Variants in HK1 observed in about 807,000 individuals in gnomAD.
HK1 encodes the protein hexokinase-1.
In HK1, 28 loss-of-function variants were observed where a neutral mutation model predicts 91.6. That is an observed-to-expected ratio of 0.31 (90% CI 0.23 to 0.42). The LOEUF (loss-of-function observed/expected upper bound fraction) is 0.42, where lower values mean the gene tolerates loss of function less well. Among genes scored for constraint, HK1 ranks in the 10% least tolerant of loss-of-function variants. The pLI, the probability that HK1 is intolerant of heterozygous loss-of-function variation, is 1.00. For missense variants in HK1, 770 were observed against 1,219.8 expected, an observed-to-expected ratio of 0.63 and a Z score of 5.49; for synonymous variants, 430 against 468.1, an observed-to-expected ratio of 0.92 and a Z score of 1.05.
chr10:69,363,924 G>A (rs1011459896), intron 3 of HK1, among the ~76,000 whole-genome samples: 3 of 152,242 alleles, frequency 2.0e-5, no homozygotes, highest in African/African-American at 7.2e-5. Context: ...AAGGAATACT[G>A]TGCGGCAATG....
At position 69,275,342 on chromosome 10, in the gene HK1, G is replaced by A. The variant is rs193001611; in HGVS notation, c.-391+5234G>A. Among the ~76,000 whole-genome samples the A allele has an allele frequency of 1.4e-3, 205 of 151,048 alleles. 2 individuals carry two copies. In the East Asian group the frequency reaches 0.028, roughly 21 times the overall value. On this transcript the variant is annotated intron_variant, in intron 1 of 21. Transcript: ENST00000360289. ...TTGAGACCAGCCTGAGCAACATGGCGAGACCCCATCTCTACTAGATTAAAA... is the reference window on the plus strand; with the variant it reads ...TTGAGACCAGCCTGAGCAACATGGCAAGACCCCATCTCTACTAGATTAAAA...
intron 1 of HK1, chr10:69,278,661 G>T (rs1377101875): frequency 6.6e-6 from 1 of 152,240 alleles, no homozygotes; most frequent in Non-Finnish European, 1.5e-5. Flanking sequence ...TACTGTGGTA[G>T]TCCTGGTGCC....
At position 69,394,848 on chromosome 10, in the gene HK1, G is replaced by A. The variant is rs564524962; in HGVS notation, c.2220-102G>A. 4.9e-5 allele frequency: 57 copies of A among 1,170,258 alleles called. No homozygotes were observed. In the South Asian group the frequency reaches 5.6e-4, roughly 12 times the overall value. 72.5% of individuals were successfully genotyped at this position (1,170,258 alleles called of 1,614,324 possible). On this transcript the variant is annotated intron_variant, in intron 15 of 17. Coordinates refer to ENST00000359426, the MANE Select transcript of HK1 (RefSeq NM_000188.3). ...CTGGGCACATGGCTGTTGATGATGC[G>A]CTTGAGGGGCAGTAGGAGACGCGGA...
rs559352341 is a variant in HK1 at position 69,368,610 on chromosome 10, C to T, written c.570C>T (p.Asn190=). The T allele has an allele frequency of 5.9e-5, 95 of 1,614,042 alleles. No individual in the cohort carries two copies. In the South Asian group the frequency reaches 9.9e-4, roughly 17 times the overall value. Residue 190 remains asparagine, a synonymous_variant, in exon 5 of 18, where the codon AAC becomes AAT. Transcript: ENST00000359426. The part of the protein sequence containing the change: ...VEGADVVKLL[N]KAIKKRGDYD... ...GAGCAGATGTGGTCAAACTGCTTAACAAAGCCATCAAAAAGCGAGGGGTAA... is the reference window on the plus strand; with the variant it reads ...GAGCAGATGTGGTCAAACTGCTTAATAAAGCCATCAAAAAGCGAGGGGTAA...
At chr10:69,362,581 C>T (rs11598389) in intron 3 of HK1, among the ~76,000 whole-genome samples, 12,518 of 152,182 alleles carry the variant, frequency 0.082, 664 homozygotes, top group African/African-American at 0.15. Flanking sequence ...ATCACCAGCA[C>T]TCCAGAAACG....
At chr10:69,315,722 C>A, upstream of HK1, 1 of 594,538 alleles carries the variant, frequency 1.7e-6, no homozygotes, top group Non-Finnish European at 3.1e-6. Flanking sequence ...TAGGACCAGC[C>A]CCCTAGAAGA....
At chr10:69,377,988 A>G (rs1170935977) in intron 8 of HK1, among the ~76,000 whole-genome samples, 4 of 152,244 alleles carry the variant, frequency 2.6e-5, no homozygotes, top group Non-Finnish European at 4.4e-5. Context: ...GATTTGCATC[A>G]GCTCTCTTTG....
chr10:69,374,992 A>G (rs1839014852), intron 7 of HK1, among the ~76,000 whole-genome samples: 1 of 152,220 alleles, frequency 6.6e-6, no homozygotes, highest in South Asian at 2.1e-4. Flanking sequence ...TGAGACAGGC[A>G]GGAATGCACA....
chr10:69,287,207 T>C (rs1363493491), intron 2 of HK1, among the ~76,000 whole-genome samples: 2 of 152,160 alleles, frequency 1.3e-5, no homozygotes, highest in Non-Finnish European at 2.9e-5. Flanking sequence ...AAACTTGTAA[T>C]CATGGCGGGA....
At chr10:69,324,118 C>T (rs529140969) in intron 1 of HK1, among the ~76,000 whole-genome samples, 7 of 152,272 alleles carry the variant, frequency 4.6e-5, no homozygotes, top group South Asian at 4.1e-4. Context: ...GCAGTCCTCC[C>T]GCCTTGGCCT....
At chr10:69,347,133 C>G (rs545368883) in intron 2 of HK1, among the ~76,000 whole-genome samples, 74 of 151,870 alleles carry the variant, frequency 4.9e-4, no homozygotes, top group Middle Eastern at 3.2e-3. Flanking sequence ...CTTAGCACCC[C>G]CTACGTAGCT....
At chr10:69,383,210 G>A (rs932477087) in intron 10 of HK1, among the ~76,000 whole-genome samples, 1 of 152,194 alleles carries the variant, frequency 6.6e-6, no homozygotes, top group African/African-American at 2.4e-5. Flanking sequence ...GTTCTTAAAA[G>A]CTGGGCAAAT....
upstream of HK1, among the ~76,000 whole-genome samples, chr10:69,314,536 G>A (rs984481978): frequency 2.0e-4 from 31 of 152,114 alleles, no homozygotes; most frequent in Admixed American, 2.0e-4. Context: ...CTTAATTTTC[G>A]TTTTTTCGCT....
intron 1 of HK1, among the ~76,000 whole-genome samples, chr10:69,281,204 A>G (rs78401733): frequency 6.6e-6 from 1 of 152,130 alleles, no homozygotes; most frequent in African/African-American, 2.4e-5. Context: ...ACACAGATTC[A>G]TGGTTCCACC....
At chr10:69,357,484 T>A (rs1056203660) in intron 2 of HK1, among the ~76,000 whole-genome samples, 2 of 152,142 alleles carry the variant, frequency 1.3e-5, no homozygotes, top group African/African-American at 4.8e-5. Flanking sequence ...AGGGCCTCGC[T>A]CTGTTGCCCA....
chr10:69,305,004 G>A (rs1161925168), intron 5 of HK1, among the ~76,000 whole-genome samples: 3 of 152,108 alleles, frequency 2.0e-5, no homozygotes, highest in Non-Finnish European at 2.9e-5. Context: ...GGCCCCAAGC[G>A]TTCCTTGGCT....
At chr10:69,285,391 T>G (rs771908727) in intron 2 of HK1, among the ~76,000 whole-genome samples, 9 of 151,956 alleles carry the variant, frequency 5.9e-5, no homozygotes, top group Non-Finnish European at 1.0e-4. Flanking sequence ...GCCACTGCAC[T>G]CCAGCCTGGG....
chr10:69,313,186 C>T (rs1022967631), upstream of HK1, among the ~76,000 whole-genome samples: 2 of 152,158 alleles, frequency 1.3e-5, no homozygotes, highest in Non-Finnish European at 2.9e-5. Context: ...AGGCTTTTTG[C>T]CGGTAAATTC....
chr10:69,305,175 G>C (rs1211161591), intron 5 of HK1, among the ~76,000 whole-genome samples: 1 of 152,162 alleles, frequency 6.6e-6, no homozygotes, highest in Non-Finnish European at 1.5e-5. Flanking sequence ...CCAGTCAGCG[G>C]GAAGGAGGAA....
Sources: allele counts gnomAD v4.1 joint callset (sites outside exome capture counted in the v4.1 genomes callset), GRCh38; gene constraint gnomAD v4.1.1; transcripts MANE v1.5; gene names NCBI Gene and HGNC (gene_info 2026-07-23, HGNC 2026-07-21).